Variants in TGDS observed in about 807,000 individuals in gnomAD.
TGDS encodes TDP-glucose 4,6-dehydratase.
A neutral mutation model predicts 52.3 loss-of-function variants in TGDS; 47 were observed. That is an observed-to-expected ratio of 0.90 (90% confidence interval 0.71 to 1.15). The LOEUF (loss-of-function observed/expected upper bound fraction) is 1.15. Among genes scored for constraint, TGDS ranks in the 50% most tolerant of loss-of-function variants. The pLI is 0.00. For synonymous variants in TGDS, 115 were observed against 136.9 expected (o/e 0.84, Z 1.12); for missense variants, 375 against 418.4 (o/e 0.90, Z 0.90).
At chr13:94,590,760 A>G in intron 4 of TGDS, 93 bp downstream of exon 4, 1 of 992,156 alleles carries the variant, frequency 1.0e-6, no homozygotes, top group Non-Finnish European at 1.5e-6. Flanking sequence ...TTTCTAGTAC[A>G]GTATGATATA....
At chr13:94,585,963 A>G (rs1224675040) in intron 4 of TGDS, among the ~76,000 whole-genome samples, 1 of 152,216 alleles carries the variant, frequency 6.6e-6, no homozygotes, top group African/African-American at 2.4e-5. Context: ...GAGTACAAAC[A>G]GAACATATAA....
chr13:94,583,014 A>G lies in TGDS; in HGVS notation c.456+80T>C. ...CACAAGTGTATATAATTTGAGGATG[A>G]AAAAAGCCCAGTGTAGGTTTAATAA... On this transcript the variant is annotated intron_variant, in intron 5 of 11. Transcript: ENST00000261296. 2.0e-6 allele frequency: 3 copies of G among 1,486,572 alleles called. No individual in the cohort carries two copies. In the South Asian group the frequency reaches 3.8e-5, roughly 19 times the overall value. The allele number at this position is 1,486,572 out of a possible 1,614,324, so 92.1% of individuals were successfully genotyped here.
In TGDS at chr13:94,583,134, TA is replaced by T. The variant is rs1888858336; in HGVS notation, c.415del (p.Tyr139MetfsTer101). On this transcript the variant is annotated frameshift_variant, in exon 5 of 12. Transcript: ENST00000261296. LOFTEE classifies it high-confidence loss of function. ...AHEARVEKFI[Y>X]VSTDEVYGGS... ...ACCATATACTTCATCTGTGCTGACA[TA>T]AATAAACTTCTCCACTCTGGCTTCA... The T allele has an allele frequency of 6.2e-7, 1 of 1,613,960 alleles. No homozygotes were observed. The highest frequency in any genetic ancestry group is 1.3e-5 in the African/African-American group (1 of 75,050).
rs1293887022 is a variant in TGDS, at chr13:94,594,970, A to G, written c.87-1063T>C. ...TTCTTCCAGGTGCTGAATGAACAGTAGTCTCTGTCCTTACCGAGTTTGCAT... is the reference window on the plus strand; with the variant it reads ...TTCTTCCAGGTGCTGAATGAACAGTGGTCTCTGTCCTTACCGAGTTTGCAT... On this transcript the variant is annotated intron_variant, in intron 1 of 11. Transcript: ENST00000261296. Among the ~76,000 whole-genome samples the G allele has an allele frequency of 4.6e-5, 7 of 152,208 alleles. No homozygotes were observed. The South Asian group carries it at 1.4e-3, about 31-fold the overall frequency.
intron 4 of TGDS, among the ~76,000 whole-genome samples, chr13:94,587,562 C>CAA (rs773446651): frequency 1.2e-4 from 18 of 152,114 alleles, no homozygotes; most frequent in Admixed American, 7.2e-4. Context: ...GAGGAAAAGT[C>CAA]AAGTCTTTTC....
chr13:94,584,538 T>C (rs971350625), intron 4 of TGDS, among the ~76,000 whole-genome samples: 6 of 152,226 alleles, frequency 3.9e-5, no homozygotes, highest in African/African-American at 7.2e-5. Flanking sequence ...CTTAAGTAAA[T>C]AGGCAAATAA....
chr13:94,577,235 T>A (rs191280068), intron 10 of TGDS, 136 bp downstream of exon 10: 2 of 613,222 alleles, frequency 3.3e-6, no homozygotes, highest in African/African-American at 3.8e-5. Context: ...GTATGGTACT[T>A]ACGATTATGA....
At chr13:94,586,299 T>A (rs1888980778) in intron 4 of TGDS, among the ~76,000 whole-genome samples, 1 of 151,938 alleles carries the variant, frequency 6.6e-6, no homozygotes. Context: ...CTAGAGAAAG[T>A]TTGGAAATAA....
At chr13:94,586,828 A>G (rs888761183) in intron 4 of TGDS, among the ~76,000 whole-genome samples, 17 of 139,920 alleles carry the variant, frequency 1.2e-4, no homozygotes, top group Non-Finnish European at 2.6e-4. Context: ...GTGCGATCTC[A>G]GCTCACTGCA....
intron 1 of TGDS, 45 bp from the exon 2 acceptor site, chr13:94,593,952 C>A: frequency 1.7e-6 from 2 of 1,209,106 alleles, no homozygotes; most frequent in South Asian, 1.4e-5. Context: ...CTTTAACTTC[C>A]CTAAACTCTT....
intron 4 of TGDS, among the ~76,000 whole-genome samples, chr13:94,583,517 T>G (rs1888875621): frequency 6.6e-6 from 1 of 152,144 alleles, no homozygotes; most frequent in Non-Finnish European, 1.5e-5. Flanking sequence ...ACATGAAAAT[T>G]TAAAATGTTT....
chr13:94,587,441 T>C (rs1483617198), intron 4 of TGDS, among the ~76,000 whole-genome samples: 2 of 152,070 alleles, frequency 1.3e-5, no homozygotes, highest in Admixed American at 6.6e-5. Flanking sequence ...CTACAGTAAT[T>C]AAGACAGTGT....
At chr13:94,577,112 A>AT (rs1243311748) in intron 10 of TGDS, among the ~76,000 whole-genome samples, 1 of 152,144 alleles carries the variant, frequency 6.6e-6, no homozygotes, top group Non-Finnish European at 1.5e-5. Flanking sequence ...AAAAAAAAAA[A>AT]AAAAGATGTT....
intron 5 of TGDS, 74 bp downstream of exon 5, chr13:94,583,020 G>T: frequency 6.6e-7 from 1 of 1,509,994 alleles, no homozygotes; most frequent in Non-Finnish European, 9.0e-7. Context: ...GATGAAAAAA[G>T]CCCAGTGTAG....
chr13:94,589,744 A>T (rs1889125800), intron 4 of TGDS, among the ~76,000 whole-genome samples: 2 of 152,234 alleles, frequency 1.3e-5, no homozygotes, highest in Non-Finnish European at 2.9e-5. Context: ...ACCACTACAC[A>T]GCACTGAAAT....
chr13:94,587,867 G>A (rs1023725136), intron 4 of TGDS, among the ~76,000 whole-genome samples: 10 of 151,258 alleles, frequency 6.6e-5, no homozygotes, highest in African/African-American at 1.9e-4. Flanking sequence ...TGTGGTGGCG[G>A]GCGCCTGTAG....
At chr13:94,583,881 G>C (rs1159305492) in intron 4 of TGDS, among the ~76,000 whole-genome samples, 1 of 152,192 alleles carries the variant, frequency 6.6e-6, no homozygotes, top group African/African-American at 2.4e-5. Context: ...CAATCCTATA[G>C]TAAAACAGGT....
chr13:94,588,490 G>A (rs1889083270), intron 4 of TGDS, among the ~76,000 whole-genome samples: 1 of 142,778 alleles, frequency 7.0e-6, no homozygotes. Context: ...AAAGGTAGCT[G>A]CAAAAGGCTT....
intron 10 of TGDS, among the ~76,000 whole-genome samples, chr13:94,577,101 CAA>C (rs34410018): frequency 4.9e-4 from 51 of 103,442 alleles, no homozygotes; most frequent in Non-Finnish European, 3.2e-4. Context: ...ATTCTGTCTC[CAA>C]AAAAAAAAAA....
Sources: gnomAD v4.1 joint callset for allele counts (sites outside exome capture counted in the v4.1 genomes callset) on GRCh38, gnomAD v4.1.1 for gene constraint, MANE v1.5 for transcripts, NCBI Gene and HGNC (gene_info 2026-07-23, HGNC 2026-07-21) for gene names.